The following PACRG variants were observed in gnomAD, a reference collection of about 807,000 sequenced individuals.
The protein encoded by PACRG is parkin coregulated gene protein.
A neutral mutation model predicts 29.7 loss-of-function variants in PACRG; 29 were observed. The observed-to-expected ratio is 0.98, with a 90% CI of 0.73 to 1.33. The LOEUF is 1.33. Among genes scored for constraint, PACRG ranks in the 40% most tolerant of loss-of-function variants. The probability of loss-of-function intolerance (pLI) is 0.00; values close to 1 mark genes in which losing one functional copy is unlikely to be tolerated. For synonymous variants in PACRG, 116 were observed against 118.7 expected (o/e 0.98, Z 0.15); for missense variants, 279 against 316.2 (o/e 0.88, Z 0.89).
chr6:162,823,938 A>G (rs1359917299), intron 2 of PACRG, among the ~76,000 whole-genome samples: 1 of 152,184 alleles, frequency 6.6e-6, no homozygotes, highest in Non-Finnish European at 1.5e-5. Context: ...TAGCATGAGC[A>G]TGTTTCACCT....
At chr6:163,119,927 T>G (rs1816191285) in intron 4 of PACRG, among the ~76,000 whole-genome samples, 1 of 152,200 alleles carries the variant, frequency 6.6e-6, no homozygotes, top group Non-Finnish European at 1.5e-5. Flanking sequence ...GCACCATTCA[T>G]TTTCTGCTTC....
chr6:162,877,506 G>A (rs1793463952), intron 2 of PACRG, among the ~76,000 whole-genome samples: 1 of 151,476 alleles, frequency 6.6e-6, no homozygotes, highest in Admixed American at 6.6e-5. Flanking sequence ...GATGGGTGCA[G>A]CAAACCACCA....
Position 163,073,387 on chromosome 6 carries a change from G to A in PACRG, c.463+11066G>A, listed in dbSNP as rs908288128. On this transcript the variant is annotated intron_variant, in intron 3 of 4. Coordinates refer to ENST00000366888, the MANE Select transcript of PACRG (RefSeq NM_001080379.2). ...GAAACCTGAATATCCATATGCACAA[G>A]AATGAAACTAGACCCCCATCTCTCA... Among the ~76,000 whole-genome samples, 5 of 152,216 alleles carry A rather than the reference G, an allele frequency of 3.3e-5. No homozygotes were observed. In the South Asian group the frequency reaches 1.0e-3, roughly 32 times the overall value.
chr6:162,778,330 A>G (rs150807463), intron 1 of PACRG, among the ~76,000 whole-genome samples: 138 of 152,144 alleles, frequency 9.1e-4, no homozygotes, highest in Non-Finnish European at 1.4e-3. Flanking sequence ...TGGGAATTTG[A>G]TTTGTTCCTG....
chr6:162,933,541 C>G (rs1215239350), intron 2 of PACRG, among the ~76,000 whole-genome samples: 1 of 142,166 alleles, frequency 7.0e-6, no homozygotes, highest in Non-Finnish European at 1.5e-5. Flanking sequence ...TAAATATTTA[C>G]AATTGTTAGA....
chr6:162,728,132 T>A lies in PACRG; in HGVS notation c.-104T>A. 4.4e-6 allele frequency: 6 copies of A among 1,358,580 alleles called. No individual in the cohort carries two copies. The Middle Eastern group carries it at 5.8e-4, about 132-fold the overall frequency. The allele number at this position is 1,358,580 out of a possible 1,614,324, so 84.2% of individuals were successfully genotyped here. A position where few individuals can be genotyped will look rare whatever the true frequency, so the allele number is the denominator to read the frequency against. Reference sequence around the variant, plus strand: ...CTACGAGGGGTTGAATTTCTACCATTATCGCGCCTTTTGATATTTTTTTCC... The same window carrying A: ...CTACGAGGGGTTGAATTTCTACCATAATCGCGCCTTTTGATATTTTTTTCC... On this transcript the variant is annotated 5_prime_UTR_variant, in exon 1 of 5. Transcript: ENST00000366888.
intron 2 of PACRG, among the ~76,000 whole-genome samples, chr6:162,944,342 T>C (rs1020085493): frequency 3.3e-5 from 5 of 152,020 alleles, no homozygotes; most frequent in African/African-American, 1.2e-4. Flanking sequence ...AGCAAGAAAA[T>C]TCAAACAACT....
chr6:163,283,525 G>A (rs981252904), intron 4 of PACRG, among the ~76,000 whole-genome samples: 4 of 152,270 alleles, frequency 2.6e-5, no homozygotes, highest in African/African-American at 9.6e-5. Flanking sequence ...TTAGGGCCGG[G>A]CGCGGTGGCT....
At chr6:163,255,400 A>G (rs1303362229) in intron 4 of PACRG, among the ~76,000 whole-genome samples, 1 of 152,172 alleles carries the variant, frequency 6.6e-6, no homozygotes, top group Non-Finnish European at 1.5e-5. Context: ...ACTGACGGGC[A>G]GCAGCCACTC....
chr6:162,727,787 G>C, upstream of PACRG: 1 of 1,113,972 alleles, frequency 9.0e-7, no homozygotes, highest in South Asian at 1.4e-5. Flanking sequence ...CCGCCCCCGC[G>C]CCCGGCCCTA....
intron 2 of PACRG, among the ~76,000 whole-genome samples, chr6:162,850,919 C>G (rs1250034259): frequency 1.3e-5 from 2 of 152,146 alleles, no homozygotes; most frequent in African/African-American, 4.8e-5. Flanking sequence ...CGGGCCTGAG[C>G]CCCCAGCCCA....
chr6:163,178,536 T>C (rs1306303005), intron 4 of PACRG, among the ~76,000 whole-genome samples: 2 of 152,226 alleles, frequency 1.3e-5, no homozygotes, highest in Non-Finnish European at 2.9e-5. Flanking sequence ...CGTTCTTCTC[T>C]GACTTCATAG....
At chr6:162,913,600 A>G (rs1796466017) in intron 2 of PACRG, among the ~76,000 whole-genome samples, 1 of 152,148 alleles carries the variant, frequency 6.6e-6, no homozygotes, top group South Asian at 2.1e-4. Flanking sequence ...AGTTGCGTGG[A>G]AAGTGCTATT....
At chr6:162,744,015 C>T (rs1381741558) in intron 1 of PACRG, among the ~76,000 whole-genome samples, 1 of 152,018 alleles carries the variant, frequency 6.6e-6, no homozygotes, top group Non-Finnish European at 1.5e-5. Context: ...TTGCTTCCCT[C>T]TTTTATATGG....
At chr6:162,975,149 G>A (rs1008464264) in intron 2 of PACRG, among the ~76,000 whole-genome samples, 15 of 152,172 alleles carry the variant, frequency 9.9e-5, no homozygotes, top group Admixed American at 7.2e-4. Flanking sequence ...AAGGTATCCA[G>A]ACAGGAAGTC....
At chr6:162,807,781 C>G (rs1362333159) in intron 1 of PACRG, among the ~76,000 whole-genome samples, 2 of 152,102 alleles carry the variant, frequency 1.3e-5, no homozygotes, top group Non-Finnish European at 2.9e-5. Context: ...CACTGATAGT[C>G]TTACACAATG....
At chr6:163,109,700 G>T (rs1032129086) in intron 4 of PACRG, among the ~76,000 whole-genome samples, 3 of 152,126 alleles carry the variant, frequency 2.0e-5, no homozygotes, top group African/African-American at 7.2e-5. Context: ...TGACACTTTT[G>T]TAAAAGAAGA....
chr6:163,079,552 T>A (rs1812876964), intron 3 of PACRG, among the ~76,000 whole-genome samples: 1 of 152,196 alleles, frequency 6.6e-6, no homozygotes, highest in African/African-American at 2.4e-5. Context: ...CATATTAGAA[T>A]ACATGAGGTT....
At chr6:162,938,988 C>A (rs1798430899) in intron 2 of PACRG, among the ~76,000 whole-genome samples, 1 of 152,088 alleles carries the variant, frequency 6.6e-6, no homozygotes, top group Non-Finnish European at 1.5e-5. Context: ...TTTTGCCGTG[C>A]AAAAGCTCTT....
Sources: allele counts gnomAD v4.1 joint callset (sites outside exome capture counted in the v4.1 genomes callset), GRCh38; gene constraint gnomAD v4.1.1; transcripts MANE v1.5; gene names NCBI Gene and HGNC (gene_info 2026-07-23, HGNC 2026-07-21).